BTRC: variants seen among roughly 807,000 people sequenced by gnomAD.
The protein encoded by BTRC is F-box/WD repeat-containing protein 1A.
In BTRC, 42 loss-of-function variants were observed where a neutral mutation model predicts 85.5. That is an observed-to-expected ratio of 0.49 (90% CI 0.38 to 0.64). BTRC has a LOEUF of 0.64. Ranked by LOEUF, BTRC falls within the 30% of genes least tolerant of loss-of-function variation. The pLI, the probability that BTRC is intolerant of heterozygous loss-of-function variation, is 0.00. For synonymous variants in BTRC, 255 were observed against 263.3 expected (o/e 0.97, Z 0.30); for missense variants, 594 against 743.5 (o/e 0.80, Z 2.34).
intron 2 of BTRC, among the ~76,000 whole-genome samples, chr10:101,448,159 C>G (rs182091957): frequency 2.0e-5 from 3 of 152,192 alleles, no homozygotes. Context: ...CTCTAGCATT[C>G]CAGTAACTTA....
intron 1 of BTRC, among the ~76,000 whole-genome samples, chr10:101,408,339 C>G (rs896025199): frequency 3.3e-5 from 5 of 151,892 alleles, no homozygotes; most frequent in Non-Finnish European, 5.9e-5. Context: ...CAGGGTCTCA[C>G]TCTGTCACCC....
At chr10:101,448,259 G>GA (rs1399860676) in intron 2 of BTRC, among the ~76,000 whole-genome samples, 2 of 151,984 alleles carry the variant, frequency 1.3e-5, no homozygotes, top group African/African-American at 2.4e-5. Context: ...TTCTATTGGA[G>GA]AAAAAACATC....
At chr10:101,371,505 C>T (rs1942634695) in intron 1 of BTRC, among the ~76,000 whole-genome samples, 1 of 152,108 alleles carries the variant, frequency 6.6e-6, no homozygotes, top group African/African-American at 2.4e-5. Flanking sequence ...GAATTTGATT[C>T]CTCTAGATAC....
At chr10:101,402,197 G>A (rs943235922) in intron 1 of BTRC, among the ~76,000 whole-genome samples, 2 of 152,148 alleles carry the variant, frequency 1.3e-5, no homozygotes, top group Non-Finnish European at 2.9e-5. Context: ...CATATGTGAG[G>A]AGGTTATGTT....
intron 1 of BTRC, among the ~76,000 whole-genome samples, chr10:101,396,841 C>T (rs1234235244): frequency 1.1e-4 from 16 of 149,650 alleles, no homozygotes. Flanking sequence ...CTCACTCTGT[C>T]ACCCAGGCTA....
At chr10:101,432,276 C>T (rs1306612746) in intron 2 of BTRC, among the ~76,000 whole-genome samples, 3 of 151,920 alleles carry the variant, frequency 2.0e-5, no homozygotes, top group Non-Finnish European at 2.9e-5. Flanking sequence ...TACAGGCACA[C>T]GACCACACTT....
At chr10:101,367,793 C>A (rs555051944) in intron 1 of BTRC, among the ~76,000 whole-genome samples, 1 of 152,040 alleles carries the variant, frequency 6.6e-6, no homozygotes, top group Non-Finnish European at 1.5e-5. Context: ...TGTGTTTATT[C>A]TTGTTAATGT....
chr10:101,382,232 C>T (rs1564738935), intron 1 of BTRC, among the ~76,000 whole-genome samples: 1 of 151,888 alleles, frequency 6.6e-6, no homozygotes, highest in Non-Finnish European at 1.5e-5. Flanking sequence ...ATCCACCTGC[C>T]TCAGCCTCCC....
chr10:101,406,473 T>C (rs1246993160), intron 1 of BTRC, among the ~76,000 whole-genome samples: 1 of 150,146 alleles, frequency 6.7e-6, no homozygotes, highest in African/African-American at 2.4e-5. Context: ...CTACTGCTTA[T>C]ACTCTTTGTT....
At chr10:101,527,788 T>A (rs151258499) in intron 6 of BTRC, among the ~76,000 whole-genome samples, 19,332 of 123,002 alleles carry the variant, frequency 0.16, 1,423 homozygotes, top group Middle Eastern at 0.28. Context: ...TCTCTCTCTC[T>A]CTCACATACA....
chr10:101,387,528 C>CCTTTTTTTTTTTTTTTTTTTTT (rs1399986557), intron 1 of BTRC, among the ~76,000 whole-genome samples: 1 of 45,122 alleles, frequency 2.2e-5, no homozygotes, highest in East Asian at 1.3e-3. Flanking sequence ...CTTCATGGGA[C>CCTTTTTTTTTTTTTTTTTTTTT]TTTTTTTTTT....
At chr10:101,404,381 G>A (rs374019251) in intron 1 of BTRC, among the ~76,000 whole-genome samples, 1 of 151,978 alleles carries the variant, frequency 6.6e-6, no homozygotes, top group Admixed American at 6.6e-5. Context: ...CACCGTCTGT[G>A]CCATCTTGGT....
intron 13 of BTRC, among the ~76,000 whole-genome samples, chr10:101,544,162 G>A (rs2062521578): frequency 1.3e-5 from 2 of 152,174 alleles, no homozygotes; most frequent in African/African-American, 4.8e-5. Flanking sequence ...GCCCGCCTCA[G>A]GTTCCCAAAG....
At chr10:101,524,727 G>A (rs1434034020) in intron 5 of BTRC, among the ~76,000 whole-genome samples, 3 of 152,104 alleles carry the variant, frequency 2.0e-5, no homozygotes, top group African/African-American at 7.2e-5. Context: ...TACCATTACT[G>A]TATTTAACAT....
intron 1 of BTRC, among the ~76,000 whole-genome samples, chr10:101,360,087 C>T (rs975550424): frequency 6.6e-6 from 1 of 152,044 alleles, no homozygotes; most frequent in Non-Finnish European, 1.5e-5. Flanking sequence ...CAGGGTCTCA[C>T]TCTGTCACCC....
Position 101,462,058 on chromosome 10 carries a change from G to A in BTRC, c.234G>A (p.Gln78=). The change falls in exon 3 of 15, where the codon CAG becomes CAA. Residue 78 remains glutamine, a splice_region_variant and synonymous_variant. Transcript: ENST00000370187. ...TACCAGAGAAGAATTCACTTAGACAGGTATGAAATTCAGCCTTACTTAAAA... is the reference window on the plus strand; with the variant it reads ...TACCAGAGAAGAATTCACTTAGACAAGTATGAAATTCAGCCTTACTTAAAA... ...KIIPEKNSLR[Q]TYNSCARLCL... 1 of 1,605,924 alleles carries A rather than the reference G, an allele frequency of 6.2e-7. No homozygotes were observed. The highest frequency in any genetic ancestry group is 8.5e-7 in the Non-Finnish European group (1 of 1,174,506).
chr10:101,396,709 A>G (rs1424135018), intron 1 of BTRC, among the ~76,000 whole-genome samples: 1 of 151,812 alleles, frequency 6.6e-6, no homozygotes, highest in Non-Finnish European at 1.5e-5. Flanking sequence ...CTAACGGTAG[A>G]CAGTCTTTAG....
At position 101,533,088 on chromosome 10, in the gene BTRC, C is replaced by G; in HGVS notation, c.1097+18C>G. The G allele has an allele frequency of 6.6e-7, 1 of 1,520,372 alleles. No individual in the cohort carries two copies. Among genetic ancestry groups the G allele is most frequent in the Non-Finnish European group, 9.1e-7 (1 of 1,095,540 alleles). 94.2% of individuals were successfully genotyped at this position (1,520,372 alleles called of 1,614,324 possible). A position where few individuals can be genotyped will look rare whatever the true frequency, so the allele number is the denominator to read the frequency against. ...ACGGTCAGGTAGAAAATTTCAAATG[C>G]TTTTTTGAACTCTGAAATATCAGCT... is the stretch of plus-strand genomic sequence containing the variant. On this transcript the variant is annotated intron_variant, in intron 9 of 14. Coordinates refer to ENST00000370187, the MANE Select transcript of BTRC (RefSeq NM_033637.4).
intron 4 of BTRC, among the ~76,000 whole-genome samples, chr10:101,517,909 CTTTTTTTTTTT>C (rs142382301): frequency 8.6e-6 from 1 of 116,142 alleles, no homozygotes; most frequent in African/African-American, 3.0e-5. Context: ...GAAGTAGTGT[CTTTTTTTTTTT>C]TTTTTTTTTT....
Sources: allele counts gnomAD v4.1 joint callset (sites outside exome capture counted in the v4.1 genomes callset), GRCh38; gene constraint gnomAD v4.1.1; transcripts MANE v1.5; gene names NCBI Gene and HGNC (gene_info 2026-07-23, HGNC 2026-07-21).